MYT1: variants seen among roughly 807,000 people sequenced by gnomAD.
MYT1 encodes myelin transcription factor 1.
Under a neutral mutation model 123.0 loss-of-function variants are expected in MYT1, and 23 were observed. The observed-to-expected ratio is 0.19, with a 90% confidence interval of 0.13 to 0.26. The LOEUF (loss-of-function observed/expected upper bound fraction) is 0.26. Among genes scored for constraint, MYT1 ranks in the 10% least tolerant of loss-of-function variants. The probability of loss-of-function intolerance (pLI) is 1.00; values close to 1 mark genes in which losing one functional copy is unlikely to be tolerated. For synonymous variants in MYT1, 518 were observed against 575.3 expected (o/e 0.90, Z 1.43); for missense variants, 1,125 against 1,472.5 (o/e 0.76, Z 3.86).
At chr20:64,220,162 C>T (rs1488421476) in intron 13 of MYT1, among the ~76,000 whole-genome samples, 180 bp downstream of exon 13, 2 of 152,216 alleles carry the variant, frequency 1.3e-5, no homozygotes, top group African/African-American at 2.4e-5. Flanking sequence ...CTCAGGGGCT[C>T]ACCCTCTGGG....
At chr20:64,177,396 AG>A (rs1342941004) in intron 1 of MYT1, among the ~76,000 whole-genome samples, 2 of 151,632 alleles carry the variant, frequency 1.3e-5, no homozygotes, top group African/African-American at 4.8e-5. Flanking sequence ...AAAAAAGGAA[AG>A]AAAAAGAGCA....
At chr20:64,179,550 G>A (rs538158730) in intron 1 of MYT1, among the ~76,000 whole-genome samples, 19 of 152,104 alleles carry the variant, frequency 1.2e-4, no homozygotes, top group Non-Finnish European at 1.8e-4. Context: ...CTATAGACTC[G>A]TTGTTTCCTG....
At chr20:64,227,354 G>T (rs1984195823) in intron 16 of MYT1, 61 bp from the exon 17 acceptor site, 8 of 1,542,636 alleles carry the variant, frequency 5.2e-6, no homozygotes, top group Non-Finnish European at 6.2e-6. Context: ...GGGTCCCAGG[G>T]CTCTGGGCCG....
rs1983656695 is a variant in MYT1, at chr20:64,211,245, C to T, written c.1331C>T (p.Thr444Ile). Residue 444 changes from threonine to isoleucine, a missense_variant, in exon 8 of 23, where the codon ACA (threonine) becomes ATA (isoleucine). Thr to Ile is a moderately conservative substitution (Grantham distance 89). Transcript: ENST00000328439. Reference protein sequence around the residue: ...RAEKREIKCPTPGCDGTGHVT... With the variant: ...RAEKREIKCPIPGCDGTGHVT... ...GAGAAGCGTGAGATCAAGTGTCCAA[C>T]ACCAGGCTGTGATGGCACTGGCCAC... 6.2e-7 allele frequency: 1 copy of T among 1,614,054 alleles called. No individual in the cohort carries two copies. The highest frequency in any genetic ancestry group is 1.1e-5 in the South Asian group (1 of 91,012).
chr20:64,179,159 G>A (rs930215308), intron 1 of MYT1, among the ~76,000 whole-genome samples: 9 of 150,878 alleles, frequency 6.0e-5, no homozygotes, highest in African/African-American at 1.2e-4. Context: ...ACCCTTCAAC[G>A]TGGGAGCACT....
rs367847705 is a variant in MYT1 at position 64,198,899 on chromosome 20, G to A, written c.38G>A (p.Arg13Gln). The change falls in exon 3 of 23, where the codon CGA (arginine) becomes CAA (glutamine). Residue 13 changes from arginine to glutamine, a missense_variant. Coordinates refer to ENST00000328439, the MANE Select transcript of MYT1 (RefSeq NM_004535.3). ...LENEDKRART[R>Q]SKALRGPPET... ...AATGAAGACAAGCGAGCTCGCACCC[G>A]ATCCAAGGCCCTGCGAGGTGAGTGC... 12 of 1,613,990 alleles carry A rather than the reference G, an allele frequency of 7.4e-6. No individual in the cohort carries two copies. The highest frequency in any genetic ancestry group is 5.3e-5 in the African/African-American group (4 of 74,928).
chr20:64,219,950 C>A lies in MYT1; in HGVS notation c.2209C>A (p.Pro737Thr). 2 of 1,526,344 alleles carry A rather than the reference C, an allele frequency of 1.3e-6. No individual in the cohort carries two copies. The highest frequency in any genetic ancestry group is 8.8e-7 in the Non-Finnish European group (1 of 1,133,194). The allele number at this position is 1,526,344 out of a possible 1,614,324, so 94.6% of individuals were successfully genotyped here. Residue 737 changes from proline to threonine, a missense_variant, in exon 13 of 23, where the codon CCT becomes ACT. Pro to Thr is a conservative substitution (Grantham distance 38, BLOSUM62 -1). This residue lies in a region of MYT1 where 429 missense variants were observed against 604.1 expected (regional missense o/e 0.71). Coordinates refer to ENST00000328439, the MANE Select transcript of MYT1 (RefSeq NM_004535.3). ...EWDRPLDYTK[P>T]SRLREEEPEE... Reference sequence around the variant, plus strand: ...GGACCGGCCCCTGGACTACACCAAGCCTAGCCGCCTGAGAGAGGAGGAACC... The same window carrying A: ...GGACCGGCCCCTGGACTACACCAAGACTAGCCGCCTGAGAGAGGAGGAACC...
At chr20:64,211,525 C>T (rs552563754) in intron 8 of MYT1, among the ~76,000 whole-genome samples, 185 bp downstream of exon 8, 5 of 152,292 alleles carry the variant, frequency 3.3e-5, no homozygotes, top group African/African-American at 1.2e-4. Flanking sequence ...AAACTTGAGC[C>T]CTTTGAGGCT....
chr20:64,231,140 C>G lies in MYT1; in HGVS notation c.2676-1024C>G, dbSNP rs899932594. ...CTCGTAAATGGAGCCATGGTGACCT[C>G]TCGGGGTCTTGTGTTGCCAGGTAAT... On this transcript the variant is annotated intron_variant, in intron 18 of 22. Coordinates refer to ENST00000328439, the MANE Select transcript of MYT1 (RefSeq NM_004535.3). This position sits in a 1 kb window ranked among gnomAD's most constrained non-coding sequence, Gnocchi z 6.4. Among the ~76,000 whole-genome samples, 3 of 152,096 alleles carry G rather than the reference C, an allele frequency of 2.0e-5. No individual in the cohort carries two copies. Among genetic ancestry groups the G allele is most frequent in the African/African-American group, 7.2e-5 (3 of 41,408 alleles).
At chr20:64,235,668 G>T (rs1436656676) in intron 19 of MYT1, among the ~76,000 whole-genome samples, 439 of 134,846 alleles carry the variant, frequency 3.3e-3, no homozygotes, top group Middle Eastern at 0.013. Flanking sequence ...GGATGGCCGT[G>T]GTGGGTGACA....
intron 1 of MYT1, among the ~76,000 whole-genome samples, chr20:64,188,906 A>C (rs372269814): frequency 6.6e-6 from 1 of 152,250 alleles, no homozygotes; most frequent in African/African-American, 2.4e-5. Context: ...AGGTGCACAC[A>C]GTAGGTGCCG....
At chr20:64,215,347 G>A (rs947743880) in intron 10 of MYT1, among the ~76,000 whole-genome samples, 2 of 152,146 alleles carry the variant, frequency 1.3e-5, no homozygotes, top group Non-Finnish European at 1.5e-5. Context: ...ACACTCTGCC[G>A]CCCTCAGCCC....
At chr20:64,184,245 A>G (rs1982736181) in intron 1 of MYT1, among the ~76,000 whole-genome samples, 1 of 152,118 alleles carries the variant, frequency 6.6e-6, no homozygotes, top group Non-Finnish European at 1.5e-5. Flanking sequence ...AGAGTCGGAA[A>G]GATTTACCGC....
In MYT1 at chr20:64,198,392, G is replaced by A. The variant is rs549337858; in HGVS notation, c.1-470G>A. Among the ~76,000 whole-genome samples, 4 of 150,264 alleles carry A rather than the reference G, an allele frequency of 2.7e-5. No individual in the cohort carries two copies. In the South Asian group the frequency reaches 6.4e-4, roughly 24 times the overall value. ...ACGTTGGGGTCAGAAGCCACTGGAC[G>A]ACCCAGCACTGCCGCTGGTGGCTGA... On this transcript the variant is annotated intron_variant, in intron 2 of 22. Coordinates refer to ENST00000328439, the MANE Select transcript of MYT1 (RefSeq NM_004535.3).
chr20:64,201,914 C>T (rs887043347), intron 4 of MYT1, among the ~76,000 whole-genome samples: 2 of 134,286 alleles, frequency 1.5e-5, no homozygotes, highest in African/African-American at 5.4e-5. Context: ...TCGGGAACCC[C>T]CGCGTGTCGG....
intron 4 of MYT1, 65 bp downstream of exon 4, chr20:64,199,987 A>C (rs1983245339): frequency 6.3e-7 from 1 of 1,585,258 alleles, no homozygotes; most frequent in Non-Finnish European, 8.7e-7. Context: ...AGATATCCTA[A>C]ATGTCCCAAA....
intron 10 of MYT1, among the ~76,000 whole-genome samples, chr20:64,215,015 C>T (rs1983795063): frequency 1.3e-5 from 2 of 152,208 alleles, no homozygotes; most frequent in Admixed American, 6.5e-5. Flanking sequence ...GCTTGCCATC[C>T]CACACACAGG....
At chr20:64,227,519 G>T (rs1025330305) in intron 17 of MYT1, 42 bp downstream of exon 17, 2 of 1,569,026 alleles carry the variant, frequency 1.3e-6, no homozygotes, top group African/African-American at 1.4e-5. Flanking sequence ...CCAGGGGTGG[G>T]CAGGGAGTCT....
rs565107631 is a variant in MYT1, at chr20:64,223,045, G to A, written c.2397-66G>A. 33 of 1,588,224 alleles carry A rather than the reference G, an allele frequency of 2.1e-5. No individual in the cohort carries two copies. The East Asian group carries it at 3.4e-4, about 16-fold the overall frequency. On this transcript the variant is annotated intron_variant, in intron 14 of 22. Transcript: ENST00000328439. Reference sequence around the variant, plus strand: ...AGTGGGCACCAGTCTCCCTCGCAGAGCAGGCTCAGCCTGGGGGGCAGGTAC... The same window carrying A: ...AGTGGGCACCAGTCTCCCTCGCAGAACAGGCTCAGCCTGGGGGGCAGGTAC...
Sources: gnomAD v4.1 joint callset for allele counts (sites outside exome capture counted in the v4.1 genomes callset) on GRCh38, gnomAD v4.1.1 for gene constraint, gnomAD v4.1.1 regional missense constraint, Gnocchi (gnomAD v3.1) non-coding constraint, MANE v1.5 for transcripts, NCBI Gene and HGNC (gene_info 2026-07-23, HGNC 2026-07-21) for gene names.